Variants in SAMD12 observed in about 807,000 individuals in gnomAD.
The protein encoded by SAMD12 is sterile alpha motif domain containing 12, also known as sterile alpha motif domain-containing protein 12.
In SAMD12, 9 loss-of-function variants were observed where a neutral mutation model predicts 15.0. The observed-to-expected ratio is 0.60, with a 90% CI of 0.36 to 1.05. SAMD12 has a LOEUF of 1.05. SAMD12 is among the 50% of genes least tolerant of loss of function. The pLI, the probability that SAMD12 is intolerant of heterozygous loss-of-function variation, is 0.01. For synonymous variants in SAMD12, 86 were observed against 90.1 expected (o/e 0.96, Z 0.25); for missense variants, 230 against 234.2 (o/e 0.98, Z 0.12).
At chr8:118,394,572 G>A (rs774527515) in intron 3 of SAMD12, among the ~76,000 whole-genome samples, 4 of 152,218 alleles carry the variant, frequency 2.6e-5, no homozygotes, top group Non-Finnish European at 5.9e-5. Context: ...GAATGTGGCA[G>A]AGCTTAAGAG....
intron 2 of SAMD12, among the ~76,000 whole-genome samples, chr8:118,563,418 A>G (rs1826762354): frequency 6.6e-6 from 1 of 152,196 alleles, no homozygotes; most frequent in Admixed American, 6.5e-5. Context: ...ATATAAAGCT[A>G]AAGGCCTGTT....
chr8:118,262,172 A>C (rs2130068852), intron 4 of SAMD12, among the ~76,000 whole-genome samples: 1 of 152,172 alleles, frequency 6.6e-6, no homozygotes. Flanking sequence ...AAAGGGAGGC[A>C]GGTGAATCCA....
chr8:118,465,164 C>T (rs1823556125), intron 2 of SAMD12, among the ~76,000 whole-genome samples: 1 of 152,072 alleles, frequency 6.6e-6, no homozygotes, highest in South Asian at 2.1e-4. Context: ...ATCAGAATCT[C>T]TGGGTAGGGT....
At chr8:118,391,529 A>T (rs1189114657) in intron 3 of SAMD12, among the ~76,000 whole-genome samples, 4 of 152,206 alleles carry the variant, frequency 2.6e-5, no homozygotes, top group Non-Finnish European at 1.5e-5. Context: ...CATAACAACT[A>T]AACACATAAG....
intron 2 of SAMD12, among the ~76,000 whole-genome samples, chr8:118,478,418 G>T (rs1563884669): frequency 6.6e-6 from 1 of 152,222 alleles, no homozygotes; most frequent in Admixed American, 6.5e-5. Flanking sequence ...GGGCTGTGTG[G>T]AGAGCCATCT....
At chr8:118,432,517 A>G (rs1822446794) in intron 3 of SAMD12, among the ~76,000 whole-genome samples, 2 of 152,382 alleles carry the variant, frequency 1.3e-5, no homozygotes, top group South Asian at 4.1e-4. Flanking sequence ...GAACCTAAAC[A>G]GGACCTAGGG....
chr8:118,147,335 A>G, the SAMD12 span, among the ~76,000 whole-genome samples: 1 of 150,940 alleles, frequency 6.6e-6, no homozygotes, highest in Non-Finnish European at 1.5e-5. Flanking sequence ...AGCAGGAACT[A>G]TTAATTGTTC....
At chr8:118,583,712 C>T (rs1827353876) in intron 1 of SAMD12, among the ~76,000 whole-genome samples, 1 of 152,182 alleles carries the variant, frequency 6.6e-6, no homozygotes, top group African/African-American at 2.4e-5. Flanking sequence ...GTCCTATTCA[C>T]CTCATGTCAG....
rs1278275146 is a variant in SAMD12, at chr8:118,260,833, G to A, written c.434-63101C>T. Among the ~76,000 whole-genome samples the A allele has an allele frequency of 2.6e-5, 4 of 152,034 alleles. No homozygotes were observed. The East Asian group carries it at 7.7e-4, about 29-fold the overall frequency. On this transcript the variant is annotated intron_variant, in intron 4 of 4. Coordinates refer to the SAMD12 transcript ENST00000409003. Reference sequence around the variant, plus strand: ...CCTTTGTTCAGTTAGACCAAGGAGTGGTAACAGCTCCCCGCTGTTATGACC... The same window carrying A: ...CCTTTGTTCAGTTAGACCAAGGAGTAGTAACAGCTCCCCGCTGTTATGACC...
At chr8:118,349,380 G>A (rs763871981) in intron 4 of SAMD12, among the ~76,000 whole-genome samples, 5 of 151,806 alleles carry the variant, frequency 3.3e-5, no homozygotes, top group Non-Finnish European at 5.9e-5. Flanking sequence ...AAGTATGGAG[G>A]GGTAACCCCT....
At chr8:118,247,593 A>C (rs1234420522) in intron 4 of SAMD12, among the ~76,000 whole-genome samples, 3 of 151,664 alleles carry the variant, frequency 2.0e-5, no homozygotes, top group African/African-American at 7.3e-5. Flanking sequence ...TTATTTATTT[A>C]TTTATTTTTA....
At chr8:118,614,650 G>A (rs985236965) in intron 1 of SAMD12, among the ~76,000 whole-genome samples, 3 of 152,152 alleles carry the variant, frequency 2.0e-5, no homozygotes, top group South Asian at 4.1e-4. Context: ...TACCTTCTGC[G>A]GCAGCAAGGG....
At chr8:118,481,099 A>C (rs572289540) in intron 2 of SAMD12, among the ~76,000 whole-genome samples, 1 of 152,002 alleles carries the variant, frequency 6.6e-6, no homozygotes, top group South Asian at 2.1e-4. Flanking sequence ...TGTGCCACCA[A>C]GCCTGGCTAA....
chr8:118,196,950 G>C (rs1489203508), exon 5 of SAMD12: 1 of 152,086 alleles, frequency 6.6e-6, no homozygotes. Context: ...TTTGGTGCTA[G>C]AAGTAAACCA....
intron 2 of SAMD12, among the ~76,000 whole-genome samples, chr8:118,548,534 T>TGTATTGTATTTAGGTGG (rs1826205654): frequency 6.6e-6 from 1 of 152,094 alleles, no homozygotes; most frequent in African/African-American, 2.4e-5. Context: ...CATCTACAAC[T>TGTATTGTATTTAGGTGG]GGAGGGGAGG....
At chr8:118,318,354 AT>A (rs1195046643) in intron 4 of SAMD12, among the ~76,000 whole-genome samples, 1 of 112,926 alleles carries the variant, frequency 8.9e-6, no homozygotes, top group African/African-American at 3.0e-5. Context: ...ATATATATAT[AT>A]ACATATATAC....
intron 4 of SAMD12, among the ~76,000 whole-genome samples, chr8:118,316,584 A>AC (rs756256017): frequency 2.6e-5 from 4 of 152,048 alleles, no homozygotes; most frequent in Non-Finnish European, 4.4e-5. Flanking sequence ...ATTTATTTAA[A>AC]ACACACAAAA....
chr8:118,209,613 T>C (rs1819962013), intron 4 of SAMD12, among the ~76,000 whole-genome samples: 2 of 152,174 alleles, frequency 1.3e-5, no homozygotes, highest in African/African-American at 2.4e-5. Context: ...CTGGTGGCCA[T>C]CAGCAGGATC....
intron 4 of SAMD12, among the ~76,000 whole-genome samples, chr8:118,267,612 G>A (rs1056329044): frequency 2.0e-5 from 3 of 151,748 alleles, no homozygotes; most frequent in African/African-American, 7.3e-5. Context: ...TCACTGATTT[G>A]GCTTTTTAGC....
Sources: allele counts gnomAD v4.1 joint callset (sites outside exome capture counted in the v4.1 genomes callset), GRCh38; gene constraint gnomAD v4.1.1; transcripts MANE v1.5; gene names NCBI Gene and HGNC (gene_info 2026-07-23, HGNC 2026-07-21).